SYNPR: variants seen among roughly 807,000 people sequenced by gnomAD.
The protein encoded by SYNPR is synaptoporin.
SYNPR carries 23 observed loss-of-function variants against 32.9 expected under a neutral mutation model. The ratio of observed to expected loss-of-function variants is 0.70; its 90% CI spans 0.50 to 0.99. The LOEUF (loss-of-function observed/expected upper bound fraction) is 0.99. Ranked by LOEUF, SYNPR falls within the 50% of genes least tolerant of loss-of-function variation. SYNPR has a pLI of 0.00. For synonymous variants in SYNPR, 146 were observed against 135.9 expected (o/e 1.07, Z -0.52); for missense variants, 318 against 349.3 (o/e 0.91, Z 0.71).
At chr3:63,252,034 GGT>G (rs1491569928) in intron 1 of SYNPR, among the ~76,000 whole-genome samples, 2 of 151,172 alleles carry the variant, frequency 1.3e-5, no homozygotes, top group African/African-American at 4.9e-5. Flanking sequence ...ATGGTATGGG[GGT>G]ACCATGGAGT....
intron 5 of SYNPR, among the ~76,000 whole-genome samples, chr3:63,612,277 G>A (rs1700209940): frequency 6.6e-6 from 1 of 152,172 alleles, no homozygotes; most frequent in African/African-American, 2.4e-5. Context: ...GTCAATACAT[G>A]TCAACTGAAA....
At chr3:63,403,989 A>G (rs2088326309) in intron 2 of SYNPR, among the ~76,000 whole-genome samples, 1 of 152,178 alleles carries the variant, frequency 6.6e-6, no homozygotes, top group Non-Finnish European at 1.5e-5. Context: ...TTATCAGTTG[A>G]TAATATTTAG....
chr3:63,337,116 C>T (rs1279916011), intron 2 of SYNPR, among the ~76,000 whole-genome samples: 1 of 150,902 alleles, frequency 6.6e-6, no homozygotes, highest in East Asian at 2.0e-4. Flanking sequence ...CTTGTAATCC[C>T]AGCTACTTGG....
the SYNPR span, among the ~76,000 whole-genome samples, chr3:63,222,083 C>T: frequency 2.4e-5 from 3 of 123,458 alleles, no homozygotes; most frequent in Non-Finnish European, 3.2e-5. Context: ...TCAGGTTTAA[C>T]GGCAAGTGAT....
chr3:63,326,154 C>T (rs1012262084), intron 2 of SYNPR, among the ~76,000 whole-genome samples: 2 of 152,016 alleles, frequency 1.3e-5, no homozygotes, highest in Non-Finnish European at 2.9e-5. Context: ...TTGATCTTCA[C>T]AGCACCTCTT....
At chr3:63,572,067 C>G (rs942634076) in intron 4 of SYNPR, among the ~76,000 whole-genome samples, 1 of 152,190 alleles carries the variant, frequency 6.6e-6, no homozygotes, top group Non-Finnish European at 1.5e-5. Flanking sequence ...AAAATTCAAA[C>G]CCTCACATCC....
At chr3:63,517,309 C>T (rs576959196) in intron 3 of SYNPR, among the ~76,000 whole-genome samples, 17 of 152,138 alleles carry the variant, frequency 1.1e-4, no homozygotes, top group South Asian at 2.1e-4. Context: ...TTCATTGTGG[C>T]GGCTAAATGA....
At chr3:63,443,374 C>T (rs1042015036) in intron 2 of SYNPR, 13 of 1,566,868 alleles carry the variant, frequency 8.3e-6, no homozygotes, top group Non-Finnish European at 1.0e-5. Context: ...GACAGAGAAG[C>T]TTTATTTTTA....
intron 2 of SYNPR, among the ~76,000 whole-genome samples, chr3:63,313,973 C>A (rs866627144): frequency 1.8e-4 from 1 of 5,626 alleles, no homozygotes; most frequent in Non-Finnish European, 3.6e-4. Flanking sequence ...ATATATATAT[C>A]CATATATATA....
intron 4 of SYNPR, among the ~76,000 whole-genome samples, chr3:63,607,378 A>C (rs983978446): frequency 6.6e-6 from 1 of 152,182 alleles, no homozygotes; most frequent in Non-Finnish European, 1.5e-5. Context: ...ATTTGTAACT[A>C]TTCCTCCAAT....
chr3:63,570,531 G>GCCACCTGGTGCTATGC (rs1702869159), intron 4 of SYNPR, among the ~76,000 whole-genome samples: 1 of 152,056 alleles, frequency 6.6e-6, no homozygotes, highest in South Asian at 2.1e-4. Context: ...CATAGCTACT[G>GCCACCTGGTGCTATGC]AGCTGCTACC....
intron 2 of SYNPR, among the ~76,000 whole-genome samples, chr3:63,448,413 C>T (rs1700319212): frequency 6.6e-6 from 1 of 152,164 alleles, no homozygotes; most frequent in Admixed American, 6.5e-5. Context: ...TAAAATATGG[C>T]TTTCAGAATA....
At chr3:63,593,664 C>T (rs1410291251) in intron 4 of SYNPR, among the ~76,000 whole-genome samples, 1 of 152,164 alleles carries the variant, frequency 6.6e-6, no homozygotes, top group Admixed American at 6.5e-5. Flanking sequence ...TGAAACCCTA[C>T]ATTAATTCTC....
intron 3 of SYNPR, among the ~76,000 whole-genome samples, chr3:63,505,164 A>G (rs1271955823): frequency 6.6e-6 from 1 of 152,210 alleles, no homozygotes; most frequent in Non-Finnish European, 1.5e-5. Context: ...AATTTTCACA[A>G]TGAAAGTCTC....
intron 4 of SYNPR, among the ~76,000 whole-genome samples, chr3:63,572,576 A>G (rs1436964703): frequency 3.3e-5 from 5 of 151,990 alleles, no homozygotes; most frequent in African/African-American, 1.2e-4. Context: ...TCAGAAATTA[A>G]ATGCTGTCTC....
chr3:63,555,564 C>A (rs1049251758), intron 3 of SYNPR, among the ~76,000 whole-genome samples: 1 of 152,104 alleles, frequency 6.6e-6, no homozygotes. Context: ...TTGCCCAAAG[C>A]ATCTTATTTT....
chr3:63,593,114 A>G (rs1699867134), intron 4 of SYNPR, among the ~76,000 whole-genome samples: 1 of 152,134 alleles, frequency 6.6e-6, no homozygotes, highest in South Asian at 2.1e-4. Context: ...AAGATCAAGC[A>G]GAATAATGAA....
At chr3:63,415,175 G>T (rs1446572481) in intron 2 of SYNPR, among the ~76,000 whole-genome samples, 3 of 151,860 alleles carry the variant, frequency 2.0e-5, no homozygotes, top group Admixed American at 1.3e-4. Flanking sequence ...TATGCATATC[G>T]TATCTTTATG....
chr3:63,408,219 AGG>A, intron 2 of SYNPR, among the ~76,000 whole-genome samples: 20 of 98,168 alleles, frequency 2.0e-4, no homozygotes, highest in Non-Finnish European at 2.6e-4. Flanking sequence ...GAAGGAAGGA[AGG>A]AAGGAAGGAA....
Sources: allele counts gnomAD v4.1 joint callset (sites outside exome capture counted in the v4.1 genomes callset), GRCh38; gene constraint gnomAD v4.1.1; transcripts MANE v1.5; gene names NCBI Gene and HGNC (gene_info 2026-07-23, HGNC 2026-07-21).